The following ST6GALNAC3 variants were observed in gnomAD, a reference collection of about 807,000 sequenced individuals.
ST6GALNAC3 encodes the protein ST6 N-acetylgalactosaminide alpha-2,6-sialyltransferase 3.
Under a neutral mutation model 32.7 loss-of-function variants are expected in ST6GALNAC3, and 25 were observed. The ratio of observed to expected loss-of-function variants is 0.76; its 90% CI spans 0.56 to 1.07. ST6GALNAC3 has a LOEUF of 1.07. Ranked by LOEUF, ST6GALNAC3 falls within the 50% of genes least tolerant of loss-of-function variation. The pLI is 0.00. For synonymous variants in ST6GALNAC3, 129 were observed against 133.1 expected, an observed-to-expected ratio of 0.97 and a Z score of 0.21; for missense variants, 355 against 382.4, an observed-to-expected ratio of 0.93 and a Z score of 0.60.
chr1:76,467,900 T>C (rs1658748686), intron 3 of ST6GALNAC3, among the ~76,000 whole-genome samples: 2 of 152,020 alleles, frequency 1.3e-5, no homozygotes, highest in South Asian at 2.1e-4. Context: ...GGAATGAAAG[T>C]CTAAAGCAGT....
chr1:76,156,953 A>C (rs7526081), intron 1 of ST6GALNAC3, among the ~76,000 whole-genome samples: 4 of 152,060 alleles, frequency 2.6e-5, no homozygotes, highest in South Asian at 2.1e-4. Context: ...GGATGGTCTC[A>C]ATCTTCTGAC....
chr1:76,312,084 T>C lies in ST6GALNAC3; in HGVS notation c.19-1721T>C, dbSNP rs1232486498. 1.3e-5 allele frequency among the ~76,000 whole-genome samples: 2 copies of C among 152,060 alleles called. 1 individual carries two copies. Among genetic ancestry groups the C allele is most frequent in the East Asian group, 3.9e-4 (2 of 5,172 alleles). Reference sequence around the variant, plus strand: ...GTTGGCTTCAGCCAAAACAGATAAATAGACAAATGGAACAGAACAGAGGCC... The same window carrying C: ...GTTGGCTTCAGCCAAAACAGATAAACAGACAAATGGAACAGAACAGAGGCC... On this transcript the variant is annotated intron_variant, in intron 1 of 4. Coordinates refer to ENST00000328299, the MANE Select transcript of ST6GALNAC3 (RefSeq NM_152996.4).
chr1:76,303,720 C>T (rs972661812), intron 1 of ST6GALNAC3, among the ~76,000 whole-genome samples: 2 of 152,018 alleles, frequency 1.3e-5, no homozygotes, highest in African/African-American at 4.8e-5. Context: ...AGTTGATTAT[C>T]TAAAAAATAT....
chr1:76,330,575 T>C lies in ST6GALNAC3; in HGVS notation c.213+16576T>C, dbSNP rs191980530. Among the ~76,000 whole-genome samples, 223 of 152,336 alleles carry C rather than the reference T, an allele frequency of 1.5e-3. 2 individuals are homozygous for C. The highest frequency in any genetic ancestry group is 0.014 in the Admixed American group (221 of 15,300). On this transcript the variant is annotated intron_variant, in intron 2 of 4. Coordinates refer to ENST00000328299, the MANE Select transcript of ST6GALNAC3 (RefSeq NM_152996.4). The stretch of plus-strand genomic sequence containing the variant: ...TCTTAGCCAACCGTTCTGGAGGACA[T>C]CTGTGTGCTAGGCATTCTTCTAAGT...
chr1:76,541,046 G>A (rs1663957478), intron 3 of ST6GALNAC3, among the ~76,000 whole-genome samples: 1 of 152,148 alleles, frequency 6.6e-6, no homozygotes, highest in Admixed American at 6.6e-5. Context: ...GAAAATACAG[G>A]AAGGGAGTTT....
At chr1:76,094,312 G>A (rs901975680) in intron 1 of ST6GALNAC3, among the ~76,000 whole-genome samples, 1 of 152,186 alleles carries the variant, frequency 6.6e-6, no homozygotes. Context: ...GGTAGGTGGG[G>A]ACCAAATGCT....
At chr1:76,563,117 C>T (rs1366114841) in intron 3 of ST6GALNAC3, among the ~76,000 whole-genome samples, 1 of 152,132 alleles carries the variant, frequency 6.6e-6, no homozygotes, top group African/African-American at 2.4e-5. Flanking sequence ...TTAAGATTCC[C>T]CTTAATATTT....
chr1:76,440,114 A>G (rs1656438347), intron 3 of ST6GALNAC3, among the ~76,000 whole-genome samples: 1 of 152,246 alleles, frequency 6.6e-6, no homozygotes, highest in African/African-American at 2.4e-5. Context: ...TGGACTTTTT[A>G]CAAGGCAAAT....
intron 1 of ST6GALNAC3, among the ~76,000 whole-genome samples, chr1:76,132,123 C>T (rs1200831440): frequency 6.6e-6 from 1 of 152,214 alleles, no homozygotes; most frequent in Admixed American, 6.5e-5. Context: ...CTCTCCCCCA[C>T]TTCCATATTT....
rs138347612 is a variant in ST6GALNAC3, at chr1:76,320,237, CCTATGA to C, written c.213+6241_213+6246del. Among the ~76,000 whole-genome samples, 220 of 152,250 alleles carry C rather than the reference CCTATGA, an allele frequency of 1.4e-3. 1 individual carries two copies. Among genetic ancestry groups the C allele is most frequent in the African/African-American group, 5.0e-3 (209 of 41,554 alleles). On this transcript the variant is annotated intron_variant, in intron 2 of 4. Transcript: ENST00000328299. ...ATGTATTGTGCATTTTCCTTCAGCC[CCTATGA>C]CTCCCAGTAGGCCAAGGACACTATA...
intron 3 of ST6GALNAC3, among the ~76,000 whole-genome samples, chr1:76,478,267 C>T (rs1487048029): frequency 6.6e-6 from 1 of 152,204 alleles, no homozygotes; most frequent in African/African-American, 2.4e-5. Context: ...GGCTGCCTCA[C>T]TCACCTTGCA....
rs1412266375 is a variant in ST6GALNAC3 at position 76,622,496 on chromosome 1, CAG to C, written c.624-4953_624-4952del. ...GGCTGTTTAGGGTCAAGGACGCCCTCAGAGCAATCACCCTAAGGCAAGAATAG... is the reference window on the plus strand; with the variant it reads ...GGCTGTTTAGGGTCAAGGACGCCCTCAGCAATCACCCTAAGGCAAGAATAG... On this transcript the variant is annotated intron_variant, in intron 3 of 4. Transcript: ENST00000328299. Among the ~76,000 whole-genome samples, 14 of 151,964 alleles carry C rather than the reference CAG, an allele frequency of 9.2e-5. No individual in the cohort carries two copies. The South Asian group carries it at 2.9e-3, about 32-fold the overall frequency.
intron 3 of ST6GALNAC3, among the ~76,000 whole-genome samples, chr1:76,570,718 C>T (rs751801064): frequency 6.6e-6 from 1 of 152,078 alleles, no homozygotes; most frequent in Non-Finnish European, 1.5e-5. Context: ...ATCTCCTTGT[C>T]AAAGTGTTCT....
intron 3 of ST6GALNAC3, among the ~76,000 whole-genome samples, chr1:76,490,233 GT>G (rs1447049953): frequency 6.6e-6 from 1 of 151,920 alleles, no homozygotes; most frequent in African/African-American, 2.4e-5. Flanking sequence ...AGAGGCGAGA[GT>G]TTTCTGATGA....
intron 1 of ST6GALNAC3, among the ~76,000 whole-genome samples, chr1:76,097,373 C>T (rs1184626370): frequency 2.6e-5 from 4 of 152,112 alleles, no homozygotes; most frequent in African/African-American, 7.2e-5. Context: ...ATGCTGTTCT[C>T]GTGATAGTGA....
intron 2 of ST6GALNAC3, among the ~76,000 whole-genome samples, chr1:76,324,561 A>G (rs946896718): frequency 2.0e-5 from 3 of 152,194 alleles, no homozygotes; most frequent in Admixed American, 2.0e-4. Flanking sequence ...GGGCCGTTCT[A>G]CAGAACACGT....
intron 3 of ST6GALNAC3, among the ~76,000 whole-genome samples, chr1:76,436,899 A>C (rs1396435010): frequency 6.6e-6 from 1 of 152,132 alleles, no homozygotes; most frequent in Non-Finnish European, 1.5e-5. Flanking sequence ...CTATAATGTC[A>C]TCATCATTTT....
At chr1:76,248,969 A>G (rs1657462009) in intron 1 of ST6GALNAC3, among the ~76,000 whole-genome samples, 2 of 152,198 alleles carry the variant, frequency 1.3e-5, no homozygotes, top group South Asian at 4.1e-4. Flanking sequence ...CATGGCTTTC[A>G]AGATACTCTT....
chr1:76,088,715 A>G lies in ST6GALNAC3; in HGVS notation c.18+13831A>G, dbSNP rs564692135. 5.3e-5 allele frequency among the ~76,000 whole-genome samples: 8 copies of G among 152,348 alleles called. No individual in the cohort carries two copies. The South Asian group carries it at 1.4e-3, about 28-fold the overall frequency. On this transcript the variant is annotated intron_variant, in intron 1 of 4. Transcript: ENST00000328299. ...TTGTTTGTTGATCTGTCAGTCAAAA[A>G]ACTAAAAGGATCACAAAAAAAACTA...
Sources: allele counts gnomAD v4.1 joint callset (sites outside exome capture counted in the v4.1 genomes callset), GRCh38; gene constraint gnomAD v4.1.1; transcripts MANE v1.5; gene names NCBI Gene and HGNC (gene_info 2026-07-23, HGNC 2026-07-21).